Variants in NUP133 observed in about 807,000 individuals in gnomAD.
NUP133 encodes nuclear pore complex protein Nup133.
Under a neutral mutation model 146.2 loss-of-function variants are expected in NUP133, and 66 were observed. The observed-to-expected ratio is 0.45, with a 90% CI of 0.37 to 0.55. NUP133 has a LOEUF of 0.55. Ranked by LOEUF, NUP133 falls within the 20% of genes least tolerant of loss-of-function variation. NUP133 has a pLI of 0.00. For synonymous variants in NUP133, 521 were observed against 498.8 expected, an observed-to-expected ratio of 1.04 and a Z score of -0.59; for missense variants, 1,277 against 1,374.8, an observed-to-expected ratio of 0.93 and a Z score of 1.12.
intron 15 of NUP133, among the ~76,000 whole-genome samples, chr1:229,467,661 C>T (rs1016918522): frequency 3.3e-5 from 5 of 152,080 alleles, no homozygotes; most frequent in East Asian, 1.9e-4. Context: ...TGGCCGGGTG[C>T]GGTGGCTCAT....
At chr1:229,493,702 G>A (rs1661582373) in intron 8 of NUP133, among the ~76,000 whole-genome samples, 1 of 152,182 alleles carries the variant, frequency 6.6e-6, no homozygotes, top group Non-Finnish European at 1.5e-5. Flanking sequence ...GGAGGATAAG[G>A]GCTGCACCTC....
chr1:229,481,641 G>T (rs1311817385), intron 12 of NUP133, among the ~76,000 whole-genome samples: 1 of 150,434 alleles, frequency 6.6e-6, no homozygotes, highest in Non-Finnish European at 1.5e-5. Context: ...AGAGGTTGCA[G>T]TGAGCCGAGA....
At position 229,508,204 on chromosome 1, in the gene NUP133, G is replaced by C; in HGVS notation, c.46C>G (p.Arg16Gly). The C allele has an allele frequency of 6.4e-7, 1 of 1,563,134 alleles. No homozygotes were observed. The highest frequency in any genetic ancestry group is 1.2e-5 in the South Asian group (1 of 85,908). The change falls in exon 1 of 26, where the codon CGA (arginine) becomes GGA (glycine). Residue 16 changes from arginine (R) to glycine (G), a missense_variant. By Grantham distance (125) the Arg-to-Gly change is moderately radical. Around this residue, in one of 3 missense-constraint regions of NUP133, gnomAD observed 319 missense variants for 306.9 expected, o/e 1.04. Transcript: ENST00000261396. ...CCGAGTCCGGCCAGCGGGCCCCTTC[G>C]GGACCCGGTACCCGGGGTCCGCGGA... The part of the protein sequence containing the change: ...PSPRTPGTGS[R>G]RGPLAGLGPG...
chr1:229,464,927 TAAAGG>T, intron 17 of NUP133, 52 bp from the exon 18 acceptor site: 1 of 1,597,580 alleles, frequency 6.3e-7, no homozygotes, highest in Non-Finnish European at 8.6e-7. Flanking sequence ...TAGTGATGGC[TAAAGG>T]AAAGACTAAT....
At chr1:229,445,038 T>C (rs1351907977) in intron 24 of NUP133, 36 bp from the exon 25 acceptor site, 4 of 1,361,262 alleles carry the variant, frequency 2.9e-6, no homozygotes, top group East Asian at 4.6e-5. Context: ...AAAAATGAAA[T>C]CACTGATATA....
chr1:229,443,616 C>A (rs1486300335), intron 25 of NUP133, among the ~76,000 whole-genome samples: 1 of 151,646 alleles, frequency 6.6e-6, no homozygotes, highest in Non-Finnish European at 1.5e-5. Context: ...CACTATTGTA[C>A]ATGAAAGCCA....
intron 23 of NUP133, among the ~76,000 whole-genome samples, chr1:229,450,215 G>A (rs565763908): frequency 4.0e-5 from 6 of 151,850 alleles, no homozygotes; most frequent in South Asian, 2.1e-4. Flanking sequence ...TGATAAAGTC[G>A]TATATTACCT....
intron 1 of NUP133, among the ~76,000 whole-genome samples, chr1:229,507,531 G>A (rs1661975884): frequency 6.6e-6 from 1 of 152,086 alleles, no homozygotes; most frequent in Non-Finnish European, 1.5e-5. Flanking sequence ...CTTATGTAAA[G>A]CCTTTTCCTT....
rs79877213 is a variant in NUP133, at chr1:229,477,572, C to T, written c.1756+25G>A. 3.5e-3 allele frequency: 5,506 copies of T among 1,572,950 alleles called. 268 individuals are homozygous for T. The East Asian group carries it at 0.1, about 30-fold the overall frequency. ...AAACCAGAATATGTTCAAAACACAC[C>T]GTTCCATAATTGAAACATTCTTACC... On this transcript the variant is annotated intron_variant, in intron 13 of 25. Coordinates refer to ENST00000261396, the MANE Select transcript of NUP133 (RefSeq NM_018230.3).
intron 12 of NUP133, among the ~76,000 whole-genome samples, chr1:229,479,341 C>T (rs982302697): frequency 1.2e-4 from 18 of 152,308 alleles, no homozygotes; most frequent in African/African-American, 3.4e-4. Context: ...TATGTAGACC[C>T]ACACAGTTCA....
At chr1:229,442,751 C>T (rs867786157) in intron 25 of NUP133, among the ~76,000 whole-genome samples, 1 of 144,228 alleles carries the variant, frequency 6.9e-6, no homozygotes, top group South Asian at 2.2e-4. Flanking sequence ...TCTCACTCTG[C>T]TGGCCAGGCA....
At chr1:229,490,167 T>C (rs1661470919) in intron 8 of NUP133, 65 bp from the exon 9 acceptor site, 2 of 1,350,192 alleles carry the variant, frequency 1.5e-6, no homozygotes. Context: ...TCCTATAAAA[T>C]TAAACATATG....
At chr1:229,474,935 T>C (rs1661041634) in intron 14 of NUP133, among the ~76,000 whole-genome samples, 1 of 151,920 alleles carries the variant, frequency 6.6e-6, no homozygotes, top group Admixed American at 6.6e-5. Context: ...AGATTCTGTC[T>C]CTACAAAAAC....
Position 229,463,611 on chromosome 1 carries a change from C to A in NUP133, c.2617G>T (p.Val873Leu). 1 of 1,613,960 alleles carries A rather than the reference C, an allele frequency of 6.2e-7. No individual in the cohort carries two copies. Among genetic ancestry groups the A allele is most frequent in the Non-Finnish European group, 8.5e-7 (1 of 1,179,996 alleles). Residue 873 changes from valine (V) to leucine (L), a missense_variant, in exon 19 of 26, where the codon GTA becomes TTA. Val to Leu is a conservative substitution (Grantham distance 32). Transcript: ENST00000261396. ...AEKYCDFDILVQMCEQTDNQS... is the reference protein window; with the variant it reads ...AEKYCDFDILLQMCEQTDNQS... Reference sequence around the variant, plus strand: ...TTGTCAGTCTGCTCACACATTTGTACCAATATATCAAAGTCACAGTATTTC... The same window carrying A: ...TTGTCAGTCTGCTCACACATTTGTAACAATATATCAAAGTCACAGTATTTC...
chr1:229,500,010 T>G (rs1661757071), intron 4 of NUP133, among the ~76,000 whole-genome samples, 192 bp from the exon 5 acceptor site: 1 of 152,254 alleles, frequency 6.6e-6, no homozygotes, highest in South Asian at 2.1e-4. Flanking sequence ...TTCATGTGCT[T>G]ATGTGCCATC....
chr1:229,471,222 G>C (rs1182576203), intron 14 of NUP133, among the ~76,000 whole-genome samples: 2 of 152,032 alleles, frequency 1.3e-5, no homozygotes, highest in Non-Finnish European at 2.9e-5. Context: ...CTCAGCTCAA[G>C]CCATCTTCCA....
chr1:229,451,475 C>A (rs564652413), intron 22 of NUP133, among the ~76,000 whole-genome samples: 1 of 152,298 alleles, frequency 6.6e-6, no homozygotes, highest in East Asian at 1.9e-4. Context: ...AACACATCAA[C>A]ATGTTACCAA....
At position 229,508,314 on chromosome 1, in the gene NUP133, C is replaced by T; in HGVS notation, c.-65G>A. 1 of 1,262,780 alleles carries T rather than the reference C, an allele frequency of 7.9e-7. No homozygotes were observed. Among genetic ancestry groups the T allele is most frequent in the Admixed American group, 3.9e-5 (1 of 25,414 alleles). The allele number at this position is 1,262,780 out of a possible 1,614,324, so 78.2% of individuals were successfully genotyped here. On this transcript the variant is annotated 5_prime_UTR_variant, in exon 1 of 26. Transcript: ENST00000261396. ...CCGTCAGGTTGCAGCCTGGCCTGCG[C>T]GCGGAACTTAAACACCTAAGGGAAG...
In NUP133 at chr1:229,441,936, T is replaced by C; in HGVS notation, c.3439A>G (p.Asn1147Asp). The C allele has an allele frequency of 6.3e-7, 1 of 1,581,162 alleles. No individual in the cohort carries two copies. The highest frequency in any genetic ancestry group is 8.5e-7 in the Non-Finnish European group (1 of 1,171,084). Residue 1147 changes from asparagine (N) to aspartate (D), a missense_variant, in exon 26 of 26, where the codon AAT (asparagine) becomes GAT (aspartate). Asn to Asp is a conservative substitution (Grantham distance 23). Transcript: ENST00000261396. ...TGTCCCTGAACATAATATTCATAAT[T>C]TGCTTTCAAAACAAACTCGAAGTAA... ...NPYFEFVLKA[N>D]YEYYVQGQI
Sources: gnomAD v4.1 joint callset for allele counts (sites outside exome capture counted in the v4.1 genomes callset) on GRCh38, gnomAD v4.1.1 for gene constraint, gnomAD v4.1.1 regional missense constraint, MANE v1.5 for transcripts, NCBI Gene and HGNC (gene_info 2026-07-23, HGNC 2026-07-21) for gene names.